Variants in INVS observed in about 807,000 individuals in gnomAD.
The protein encoded by INVS is inversin.
A neutral mutation model predicts 108.8 loss-of-function variants in INVS; 86 were observed. The ratio of observed to expected loss-of-function variants is 0.79; its 90% CI spans 0.66 to 0.95. The LOEUF (loss-of-function observed/expected upper bound fraction) is 0.95, where lower values mean the gene tolerates loss of function less well. INVS is among the 40% of genes least tolerant of loss of function. The pLI, the probability that INVS is intolerant of heterozygous loss-of-function variation, is 0.00. For missense variants in INVS, 1,169 were observed against 1,297.4 expected (o/e 0.90, Z 1.52); for synonymous variants, 455 against 473.5 (o/e 0.96, Z 0.51).
At chr9:100,255,126 C>A (rs1436737030) in intron 10 of INVS, among the ~76,000 whole-genome samples, 6 of 152,210 alleles carry the variant, frequency 3.9e-5, no homozygotes, top group Non-Finnish European at 1.5e-5. Flanking sequence ...TTGAAGAGGT[C>A]CTTCACATCC....
chr9:100,230,057 C>T (rs1831459409), intron 5 of INVS, among the ~76,000 whole-genome samples: 1 of 152,090 alleles, frequency 6.6e-6, no homozygotes, highest in South Asian at 2.1e-4. Context: ...CCCCCTACGC[C>T]GTGCTCATTC....
chr9:100,229,973 A>G (rs949585709), intron 5 of INVS, 146 bp downstream of exon 5: 13 of 763,780 alleles, frequency 1.7e-5, no homozygotes, highest in Non-Finnish European at 2.8e-5. Flanking sequence ...TCCCCCAAGA[A>G]GTAGAACATT....
chr9:100,188,684 G>A (rs1444896530), intron 3 of INVS, among the ~76,000 whole-genome samples: 1 of 150,332 alleles, frequency 6.7e-6, no homozygotes, highest in African/African-American at 2.4e-5. Context: ...CTTGGTATCA[G>A]GGTGATACTG....
chr9:100,257,819 A>C (rs974746450), intron 10 of INVS, among the ~76,000 whole-genome samples: 8 of 151,380 alleles, frequency 5.3e-5, no homozygotes, highest in African/African-American at 1.9e-4. Flanking sequence ...AACCCGACCT[A>C]TCTCTCTGGC....
At chr9:100,173,542 A>G (rs1370785922) in intron 3 of INVS, among the ~76,000 whole-genome samples, 1 of 152,152 alleles carries the variant, frequency 6.6e-6, no homozygotes, top group African/African-American at 2.4e-5. Context: ...AGCCTGGCCA[A>G]CATGGTGAAA....
intron 14 of INVS, among the ~76,000 whole-genome samples, chr9:100,293,464 T>C (rs1833689623): frequency 6.6e-6 from 1 of 152,228 alleles, no homozygotes; most frequent in African/African-American, 2.4e-5. Context: ...TAATGCACGC[T>C]TCATTAATTC....
intron 3 of INVS, among the ~76,000 whole-genome samples, chr9:100,136,951 A>T (rs1402676685): frequency 6.6e-6 from 1 of 152,092 alleles, no homozygotes; most frequent in Non-Finnish European, 1.5e-5. Context: ...GAGGCAGGAG[A>T]ATCACTTGAA....
chr9:100,195,806 A>T (rs1449835132), intron 3 of INVS, among the ~76,000 whole-genome samples: 1 of 152,192 alleles, frequency 6.6e-6, no homozygotes, highest in Non-Finnish European at 1.5e-5. Flanking sequence ...TGATTTTAAA[A>T]TGTGAAACCA....
chr9:100,126,423 A>T lies in INVS; in HGVS notation c.147A>T (p.Arg49Ser). Residue 49 changes from arginine (R) to serine (S), a missense_variant, in exon 3 of 17, where the codon AGA becomes AGT. Around this residue, in one of 3 missense-constraint regions of INVS, gnomAD observed 365 missense variants for 397.5 expected, o/e 0.92. Coordinates refer to ENST00000262457, the MANE Select transcript of INVS (RefSeq NM_014425.5). ...ALKDKEDQFG[R>S]TPLMYCVLAD... The stretch of plus-strand genomic sequence containing the variant: ...AAGACAAAGAAGATCAGTTTGGGAG[A>T]ACACCACTTATGTATTGCGTGTTGG... 6.2e-7 allele frequency: 1 copy of T among 1,614,160 alleles called. No individual in the cohort carries two copies. The highest frequency in any genetic ancestry group is 1.1e-5 in the South Asian group (1 of 91,084).
At chr9:100,293,369 CT>C (rs957111533) in intron 14 of INVS, among the ~76,000 whole-genome samples, 4 of 152,332 alleles carry the variant, frequency 2.6e-5, no homozygotes, top group African/African-American at 7.2e-5. Flanking sequence ...CATGGCCCCC[CT>C]GACCCTCTGC....
At chr9:100,152,829 A>G (rs1331104063) in intron 3 of INVS, among the ~76,000 whole-genome samples, 1 of 152,184 alleles carries the variant, frequency 6.6e-6, no homozygotes, top group Admixed American at 6.5e-5. Flanking sequence ...ATTTCAGAAG[A>G]TATGGTTTGG....
intron 2 of INVS, among the ~76,000 whole-genome samples, chr9:100,124,198 G>A (rs2118887928): frequency 6.6e-6 from 1 of 151,850 alleles, no homozygotes; most frequent in East Asian, 1.9e-4. Flanking sequence ...GTGTGTGTGT[G>A]TGTGTGTGTG....
chr9:100,292,791 A>G lies in INVS; in HGVS notation c.2534A>G (p.Tyr845Cys), dbSNP rs770464594. The G allele has an allele frequency of 6.2e-7, 1 of 1,614,132 alleles. No individual in the cohort carries two copies. Among genetic ancestry groups the G allele is most frequent in the South Asian group, 1.1e-5 (1 of 91,068 alleles). Reference sequence around the variant, plus strand: ...CAAGCCAAGCTCACAGGAGGGCTCTATTCACATTTGCCACAGAGCACAGAG... The same window carrying G: ...CAAGCCAAGCTCACAGGAGGGCTCTGTTCACATTTGCCACAGAGCACAGAG... ...VTQAKLTGGL[Y>C]SHLPQSTEEL... Residue 845 changes from tyrosine (Y) to cysteine (C), a missense_variant, in exon 14 of 17, where the codon TAT becomes TGT. Physicochemically the swap from Tyr to Cys is radical, Grantham distance 194. This residue lies in a region of INVS where 533 missense variants were observed against 536.0 expected (regional missense o/e 0.99). Transcript: ENST00000262457.
intron 3 of INVS, among the ~76,000 whole-genome samples, chr9:100,202,272 C>T (rs1335777907): frequency 1.3e-5 from 2 of 152,096 alleles, no homozygotes; most frequent in Non-Finnish European, 2.9e-5. Context: ...GCCTAAAATA[C>T]CTAAATGGCT....
intron 3 of INVS, among the ~76,000 whole-genome samples, chr9:100,217,127 G>A (rs1267785977): frequency 6.6e-6 from 1 of 152,024 alleles, no homozygotes; most frequent in Non-Finnish European, 1.5e-5. Context: ...TGGCCAACAT[G>A]GTGAAACCCC....
At position 100,253,039 on chromosome 9, in the gene INVS, G is replaced by C; in HGVS notation, c.1367G>C (p.Gly456Ala). ...KINPNVQDYA[G>A]RTPLQCAAYG... Reference sequence around the variant, plus strand: ...AATCCAAATGTCCAGGATTATGCAGGAAGAACCCCTTTGCAGTGTGCAGCA... The same window carrying C: ...AATCCAAATGTCCAGGATTATGCAGCAAGAACCCCTTTGCAGTGTGCAGCA... Residue 456 changes from glycine to alanine, a missense_variant, in exon 10 of 17, where the codon GGA becomes GCA. Physicochemically the swap from Gly to Ala is moderately conservative, Grantham distance 60. Transcript: ENST00000262457. 6.2e-7 allele frequency: 1 copy of C among 1,613,996 alleles called. No homozygotes were observed. The highest frequency in any genetic ancestry group is 8.5e-7 in the Non-Finnish European group (1 of 1,179,910).
intron 3 of INVS, among the ~76,000 whole-genome samples, chr9:100,165,015 C>A (rs1829316672): frequency 2.6e-5 from 4 of 151,492 alleles, no homozygotes; most frequent in Admixed American, 2.6e-4. Flanking sequence ...TGTGATAAAC[C>A]TATTCCTCAG....
intron 8 of INVS, among the ~76,000 whole-genome samples, chr9:100,250,689 C>T (rs1832203930): frequency 6.6e-6 from 1 of 152,192 alleles, no homozygotes. Flanking sequence ...AATCAGACCA[C>T]CATCATTTTT....
chr9:100,253,921 GT>G (rs1200312131), intron 10 of INVS, among the ~76,000 whole-genome samples: 2 of 152,138 alleles, frequency 1.3e-5, no homozygotes, highest in Non-Finnish European at 2.9e-5. Context: ...AATCCTTTGG[GT>G]ATATGCCCAG....
Sources: allele counts gnomAD v4.1 joint callset (sites outside exome capture counted in the v4.1 genomes callset), GRCh38; gene constraint gnomAD v4.1.1; regional missense constraint gnomAD v4.1.1; transcripts MANE v1.5; gene names NCBI Gene and HGNC (gene_info 2026-07-23, HGNC 2026-07-21).